CCNY: variants seen among roughly 807,000 people sequenced by gnomAD.
CCNY encodes the protein cyclin-Y.
In CCNY, 19 loss-of-function variants were observed where a neutral mutation model predicts 42.8. That is an observed-to-expected ratio of 0.44 (90% confidence interval 0.31 to 0.65). The LOEUF (loss-of-function observed/expected upper bound fraction) is 0.65, where lower values mean the gene tolerates loss of function less well. Ranked by LOEUF, CCNY falls within the 30% of genes least tolerant of loss-of-function variation. The pLI, the probability that CCNY is intolerant of heterozygous loss-of-function variation, is 0.07. For missense variants in CCNY, 370 were observed against 437.3 expected, an observed-to-expected ratio of 0.85 and a Z score of 1.37; for synonymous variants, 165 against 162.7, an observed-to-expected ratio of 1.01 and a Z score of -0.11.
At position 35,304,458 on chromosome 10, in the gene CCNY, C is replaced by T. The variant is rs2135077838; in HGVS notation, c.-9+53832C>T. Among the ~76,000 whole-genome samples, 2 of 107,430 alleles carry T rather than the reference C, an allele frequency of 1.9e-5. 1 individual carries two copies. The highest frequency in any genetic ancestry group is 9.0e-5 in the African/African-American group (2 of 22,252). The allele number at this position is 107,430 out of a possible 152,430, so 70.5% of individuals were successfully genotyped here. On this transcript the variant is annotated intron_variant, in intron 3 of 11. Transcript: ENST00000374706. The stretch of plus-strand genomic sequence containing the variant: ...CCAAGTAGCTGGGACTACAGGCGCC[C>T]GCCACTACGCCCGGCTAATTTTTTT...
At chr10:35,247,887 A>AAAAAG (rs1554962388) in intron 1 of CCNY, among the ~76,000 whole-genome samples, 6 of 150,322 alleles carry the variant, frequency 4.0e-5, no homozygotes, top group East Asian at 1.9e-4. Context: ...AAAAAAAAAA[A>AAAAAG]AAAAGAAAAG....
chr10:35,446,417 T>C (rs776105928), intron 1 of CCNY, among the ~76,000 whole-genome samples: 46 of 152,320 alleles, frequency 3.0e-4, no homozygotes, highest in Middle Eastern at 3.4e-3. Context: ...CCACTAAATA[T>C]AGATTTTCTT....
At chr10:35,352,949 AG>A (rs1285293211) in intron 1 of CCNY, among the ~76,000 whole-genome samples, 1 of 152,120 alleles carries the variant, frequency 6.6e-6, no homozygotes, top group Non-Finnish European at 1.5e-5. Flanking sequence ...TTTTTGAGAT[AG>A]GGTCTCACTC....
intron 3 of CCNY, among the ~76,000 whole-genome samples, chr10:35,290,265 A>C (rs566153139): frequency 0.012 from 617 of 50,122 alleles, 5 homozygotes; most frequent in African/African-American, 0.045. Context: ...CACACACACA[A>C]AATTAGCTGG....
In CCNY at chr10:35,530,202, A is replaced by G. The variant is rs1018377522; in HGVS notation, c.538A>G (p.Ser180Gly). The change falls in exon 7 of 10, where the codon AGT becomes GGT. Residue 180 changes from serine to glycine, a missense_variant. Ser to Gly is a moderately conservative substitution (Grantham distance 56). Transcript: ENST00000374704. This position sits in a 1 kb window ranked among gnomAD's most constrained non-coding sequence, Gnocchi z 4.3. Reference sequence around the variant, plus strand: ...TTACCGGTTCGTTCGGACACTGTTCAGTGCTGCTCAGCTGACGGCTGAATG... The same window carrying G: ...TTACCGGTTCGTTCGGACACTGTTCGGTGCTGCTCAGCTGACGGCTGAATG... Reference protein sequence around the residue: ...QIYRFVRTLFSAAQLTAECAI... With the variant: ...QIYRFVRTLFGAAQLTAECAI... 9.3e-6 allele frequency: 15 copies of G among 1,614,236 alleles called. No individual in the cohort carries two copies. Among genetic ancestry groups the G allele is most frequent in the Non-Finnish European group, 1.3e-5 (15 of 1,180,022 alleles).
chr10:35,476,618 T>C (rs1839516679), intron 1 of CCNY, among the ~76,000 whole-genome samples: 1 of 150,934 alleles, frequency 6.6e-6, no homozygotes, highest in South Asian at 2.1e-4. Flanking sequence ...CCAGAATCTC[T>C]GGGACGCATT....
At chr10:35,263,716 T>C (rs1378703129) in intron 3 of CCNY, among the ~76,000 whole-genome samples, 1 of 152,220 alleles carries the variant, frequency 6.6e-6, no homozygotes, top group Non-Finnish European at 1.5e-5. Flanking sequence ...GGGATACATG[T>C]GCAGGATGTG....
At chr10:35,276,637 C>T (rs1365751731) in intron 3 of CCNY, among the ~76,000 whole-genome samples, 4 of 152,204 alleles carry the variant, frequency 2.6e-5, no homozygotes, top group East Asian at 1.9e-4. Flanking sequence ...CCTCCTGCCT[C>T]GGCCTCCCAA....
intron 3 of CCNY, among the ~76,000 whole-genome samples, chr10:35,293,792 T>C (rs1835441657): frequency 6.7e-6 from 1 of 148,356 alleles, no homozygotes; most frequent in Non-Finnish European, 1.5e-5. Flanking sequence ...CAATTGATTT[T>C]TTTTTTTTTT....
intron 7 of CCNY, among the ~76,000 whole-genome samples, chr10:35,542,672 A>G (rs540247551): frequency 6.6e-6 from 1 of 152,136 alleles, no homozygotes; most frequent in Non-Finnish European, 1.5e-5. Flanking sequence ...CTGCCATTCA[A>G]CCCCTGAACT....
At chr10:35,346,688 T>C (rs762110888) in intron 1 of CCNY, among the ~76,000 whole-genome samples, 1 of 152,240 alleles carries the variant, frequency 6.6e-6, no homozygotes, top group Non-Finnish European at 1.5e-5. Flanking sequence ...TGGAGTGCAG[T>C]GGCGTTAGCT....
At chr10:35,323,200 A>G (rs749466336) in intron 3 of CCNY, among the ~76,000 whole-genome samples, 3 of 152,280 alleles carry the variant, frequency 2.0e-5, no homozygotes, top group East Asian at 1.9e-4. Context: ...AATTGCTAAG[A>G]TTACAGGCAT....
At chr10:35,542,208 G>A (rs1841016421) in intron 7 of CCNY, among the ~76,000 whole-genome samples, 2 of 150,512 alleles carry the variant, frequency 1.3e-5, no homozygotes, top group African/African-American at 4.9e-5. Flanking sequence ...CAGTTTTGAG[G>A]AGTGCTGGCT....
At chr10:35,528,596 G>A (rs529321510) in intron 5 of CCNY, among the ~76,000 whole-genome samples, 9 of 152,212 alleles carry the variant, frequency 5.9e-5, no homozygotes, top group African/African-American at 1.9e-4. Context: ...CAGCTACAAG[G>A]GATATTGAGG....
At chr10:35,386,982 C>A (rs560234571) in intron 1 of CCNY, among the ~76,000 whole-genome samples, 1 of 152,054 alleles carries the variant, frequency 6.6e-6, no homozygotes, top group African/African-American at 2.4e-5. Flanking sequence ...CACCAGCAGG[C>A]CTTCAGTGAT....
At chr10:35,550,365 C>T (rs1841227844) in intron 7 of CCNY, among the ~76,000 whole-genome samples, 1 of 152,168 alleles carries the variant, frequency 6.6e-6, no homozygotes, top group Non-Finnish European at 1.5e-5. Flanking sequence ...CATGACCTTA[C>T]ACTGCTCATG....
intron 1 of CCNY, among the ~76,000 whole-genome samples, chr10:35,416,047 T>C (rs901873098): frequency 2.0e-5 from 3 of 152,200 alleles, no homozygotes; most frequent in African/African-American, 4.8e-5. Context: ...TTTTGGCAGC[T>C]GATGTTCAAA....
intron 1 of CCNY, among the ~76,000 whole-genome samples, chr10:35,358,242 G>A (rs1265582643): frequency 7.3e-6 from 1 of 137,444 alleles, no homozygotes; most frequent in Non-Finnish European, 1.6e-5. Context: ...TTAAACTCAT[G>A]ATTTTTCTTG....
intron 3 of CCNY, among the ~76,000 whole-genome samples, chr10:35,278,045 G>T (rs1835258787): frequency 6.6e-6 from 1 of 152,058 alleles, no homozygotes; most frequent in African/African-American, 2.4e-5. Context: ...GGGTGGTCAG[G>T]TGAGGGGAAA....
Sources: allele counts gnomAD v4.1 joint callset (sites outside exome capture counted in the v4.1 genomes callset), GRCh38; gene constraint gnomAD v4.1.1; non-coding constraint Gnocchi (gnomAD v3.1); transcripts MANE v1.5; gene names NCBI Gene and HGNC (gene_info 2026-07-23, HGNC 2026-07-21).